LRRC37B: variants seen among roughly 807,000 people sequenced by gnomAD.
LRRC37B encodes leucine-rich repeat-containing protein 37B.
LRRC37B carries 28 observed loss-of-function variants against 98.3 expected under a neutral mutation model. That is an observed-to-expected ratio of 0.28 (90% CI 0.21 to 0.39). The LOEUF (loss-of-function observed/expected upper bound fraction) is 0.39. Among genes scored for constraint, LRRC37B ranks in the 10% least tolerant of loss-of-function variants. The pLI is 1.00. For synonymous variants in LRRC37B, 364 were observed against 442.7 expected (o/e 0.82, Z 2.23); for missense variants, 938 against 1,182.7 (o/e 0.79, Z 3.03).
upstream of LRRC37B, among the ~76,000 whole-genome samples, chr17:32,017,527 G>A (rs748010332): frequency 2.7e-4 from 41 of 152,152 alleles, no homozygotes; most frequent in Non-Finnish European, 5.1e-4. Flanking sequence ...CTGTGAGACC[G>A]GACATGGTGA....
intron 3 of LRRC37B, among the ~76,000 whole-genome samples, chr17:32,029,357 A>G (rs1163778785): frequency 6.6e-6 from 1 of 152,192 alleles, no homozygotes; most frequent in East Asian, 1.9e-4. Context: ...TCAGTTTTAA[A>G]CATGGTGGGC....
upstream of LRRC37B, chr17:32,020,737 C>G (rs1183589516): frequency 2.1e-6 from 1 of 465,802 alleles, no homozygotes; most frequent in Non-Finnish European, 3.4e-6. Context: ...TCTCGGATTT[C>G]ACCTCAGAGG....
At chr17:32,049,686 G>C (rs1303506405) in intron 10 of LRRC37B, among the ~76,000 whole-genome samples, 1 of 152,144 alleles carries the variant, frequency 6.6e-6, no homozygotes, top group East Asian at 1.9e-4. Context: ...GGCCAACGTA[G>C]TGAAACCCCG....
At chr17:32,031,691 G>C (rs560443620) in intron 5 of LRRC37B, among the ~76,000 whole-genome samples, 3,405 of 151,486 alleles carry the variant, frequency 0.022, 84 homozygotes, top group African/African-American at 0.077. Flanking sequence ...GCAAGAAAAG[G>C]CATCAAACAA....
At chr17:32,034,506 A>G (rs1316585484) in intron 5 of LRRC37B, among the ~76,000 whole-genome samples, 1 of 145,142 alleles carries the variant, frequency 6.9e-6, no homozygotes, top group Non-Finnish European at 1.5e-5. Flanking sequence ...TCCATCTCCA[A>G]AAAAAAAAAA....
chr17:32,022,653 G>A, exon 1 of LRRC37B: 4 of 1,614,000 alleles, frequency 2.5e-6, no homozygotes, highest in African/African-American at 1.3e-5. Flanking sequence ...GGATTCATTG[G>A]TGCAGTCTGA....
At chr17:32,045,868 G>C (rs1223338354) in intron 8 of LRRC37B, 50 bp downstream of exon 11, 1 of 1,541,840 alleles carries the variant, frequency 6.5e-7, no homozygotes, top group Admixed American at 1.9e-5. Context: ...TTAAGTATTT[G>C]TTTTTAAATT....
At chr17:32,022,223 G>A in exon 1 of LRRC37B, 1 of 1,613,910 alleles carries the variant, frequency 6.2e-7, no homozygotes, top group Middle Eastern at 1.7e-4. Flanking sequence ...CTAAAAATGA[G>A]ACAGAATCTA....
chr17:32,032,612 A>G (rs539790357), intron 5 of LRRC37B, among the ~76,000 whole-genome samples: 2 of 152,284 alleles, frequency 1.3e-5, no homozygotes, highest in South Asian at 2.1e-4. Context: ...AGTTTCACAC[A>G]GTTCATTTTG....
intron 8 of LRRC37B, among the ~76,000 whole-genome samples, chr17:32,046,697 AG>A (rs1321162520): frequency 1.3e-5 from 2 of 151,938 alleles, no homozygotes; most frequent in Non-Finnish European, 2.9e-5. Context: ...AGGAAAAACA[AG>A]ATCAGAGGTG....
chr17:32,030,865 T>G, intron 4 of LRRC37B, 138 bp downstream of exon 7: 1 of 547,382 alleles, frequency 1.8e-6, no homozygotes, highest in Non-Finnish European at 3.2e-6. Flanking sequence ...GTCCTTCTTG[T>G]CTCTAGCAAA....
intron 7 of LRRC37B, among the ~76,000 whole-genome samples, chr17:32,037,043 G>A (rs1164532138): frequency 7.7e-6 from 1 of 129,036 alleles, no homozygotes; most frequent in Admixed American, 9.4e-5. Flanking sequence ...CTAGAGTGCA[G>A]TGGTGCCATA....
At chr17:32,041,637 G>C (rs1188683113) in intron 7 of LRRC37B, 2 of 462,702 alleles carry the variant, frequency 4.3e-6, no homozygotes, top group African/African-American at 4.0e-5. Context: ...GCCTGCCGGC[G>C]CCACCCAGGC....
chr17:32,021,586 T>G (rs1180427793), exon 1 of LRRC37B: 4 of 1,614,246 alleles, frequency 2.5e-6, no homozygotes, highest in Admixed American at 3.3e-5. Flanking sequence ...CAGGCCCTAG[T>G]TCAGCTTCCT....
At chr17:32,008,747 C>T (rs1355985656) in intron 1 of LRRC37B, among the ~76,000 whole-genome samples, 1 of 152,142 alleles carries the variant, frequency 6.6e-6, no homozygotes, top group African/African-American at 2.4e-5. Context: ...TTTTATTCTT[C>T]GAGTGCTGAC....
upstream of LRRC37B, among the ~76,000 whole-genome samples, chr17:32,016,098 C>T (rs1040527697): frequency 3.9e-5 from 6 of 152,070 alleles, no homozygotes; most frequent in Admixed American, 1.3e-4. Context: ...TGATGAGTGC[C>T]GTTGACTAGT....
At chr17:32,017,788 T>C (rs1910678247), upstream of LRRC37B, among the ~76,000 whole-genome samples, 1 of 151,504 alleles carries the variant, frequency 6.6e-6, no homozygotes, top group Admixed American at 6.6e-5. Flanking sequence ...TGAGACCCAG[T>C]CTCCAAAAAA....
At chr17:32,011,868 C>T (rs561185677) in intron 1 of LRRC37B, among the ~76,000 whole-genome samples, 7 of 152,174 alleles carry the variant, frequency 4.6e-5, no homozygotes, top group African/African-American at 7.2e-5. Flanking sequence ...ATTTGGTTCA[C>T]AATATAGTAA....
chr17:32,041,734 C>T (rs572363969), intron 7 of LRRC37B: 35 of 457,572 alleles, frequency 7.6e-5, no homozygotes, highest in Middle Eastern at 3.8e-4. Flanking sequence ...TTTAAACTAG[C>T]GCTGACCCCT....
Sources: gnomAD v4.1 joint callset for allele counts (sites outside exome capture counted in the v4.1 genomes callset) on GRCh38, gnomAD v4.1.1 for gene constraint, MANE v1.5 for transcripts, NCBI Gene and HGNC (gene_info 2026-07-23, HGNC 2026-07-21) for gene names.